TXLNB: variants seen among roughly 807,000 people sequenced by gnomAD.
TXLNB encodes the protein taxilin beta, also known as beta-taxilin.
TXLNB carries 37 observed loss-of-function variants against 57.4 expected under a neutral mutation model. That is an observed-to-expected ratio of 0.64 (90% CI 0.50 to 0.85). TXLNB has a LOEUF of 0.85. Among genes scored for constraint, TXLNB ranks in the 40% least tolerant of loss-of-function variants. The pLI is 0.00. For synonymous variants in TXLNB, 302 were observed against 309.6 expected (o/e 0.98, Z 0.26); for missense variants, 848 against 825.6 (o/e 1.03, Z -0.33).
Position 139,242,291 on chromosome 6 carries a change from C to T in TXLNB, c.*235G>A. On this transcript the variant is annotated 3_prime_UTR_variant, in exon 10 of 10. Transcript: ENST00000358430. ...ATTTGCTATCTGTATGTTTTGTTGC[C>T]CTTTGGGAAAATTATACTGTCAACC... 2 of 374,050 alleles carry T rather than the reference C, an allele frequency of 5.3e-6. No individual in the cohort carries two copies. Among genetic ancestry groups the T allele is most frequent in the Non-Finnish European group, 9.4e-6 (2 of 212,462 alleles). The allele number at this position is 374,050 out of a possible 1,614,324, so 23.2% of individuals were successfully genotyped here.
chr6:139,268,498 A>C (rs963593878), intron 4 of TXLNB, among the ~76,000 whole-genome samples: 1 of 152,236 alleles, frequency 6.6e-6, no homozygotes, highest in Admixed American at 6.5e-5. Context: ...ATAAAAATTA[A>C]ATAACACTTC....
Position 139,288,620 on chromosome 6 carries a change from A to C in TXLNB, c.280T>G (p.Ser94Ala). 3 of 1,614,124 alleles carry C rather than the reference A, an allele frequency of 1.9e-6. No homozygotes were observed. The highest frequency in any genetic ancestry group is 2.5e-6 in the Non-Finnish European group (3 of 1,180,028). Residue 94 changes from serine to alanine, a missense_variant, in exon 2 of 10, where the codon TCA (serine) becomes GCA (alanine). Coordinates refer to ENST00000358430, the MANE Select transcript of TXLNB (RefSeq NM_153235.4). Reference protein sequence around the residue: ...RASEQPENAESPDNEDGDCEE... With the variant: ...RASEQPENAEAPDNEDGDCEE... ...CAGTCCCCATCCTCGTTGTCAGGTG[A>C]TTCTGCATTCTCAGGCTGCTCACTG...
rs1364696314 is a variant in TXLNB at position 139,280,518 on chromosome 6, G to A, written c.425-3597C>T. ...AAATTAGCTGGGCGTGGTGGCGCAC[G>A]CCTGTAGTCCCAGCTACTTGGGAAA... On this transcript the variant is annotated intron_variant, in intron 2 of 9. Coordinates refer to ENST00000358430, the MANE Select transcript of TXLNB (RefSeq NM_153235.4). Among the ~76,000 whole-genome samples the A allele has an allele frequency of 1.3e-5, 2 of 149,244 alleles. 1 individual carries two copies. Among genetic ancestry groups the A allele is most frequent in the South Asian group, 4.3e-4 (2 of 4,660 alleles).
At chr6:139,234,835 C>A in the TXLNB span, among the ~76,000 whole-genome samples, 1 of 152,214 alleles carries the variant, frequency 6.6e-6, no homozygotes, top group Non-Finnish European at 1.5e-5. Flanking sequence ...GATCCACCAA[C>A]AGCCTGCACC....
the TXLNB span, chr6:139,178,907 T>C: frequency 6.6e-6 from 1 of 152,228 alleles, no homozygotes; most frequent in Non-Finnish European, 1.5e-5. Context: ...TTTGATGTTT[T>C]GTTTGAAACA....
At chr6:139,217,491 C>T in the TXLNB span, among the ~76,000 whole-genome samples, 4 of 152,104 alleles carry the variant, frequency 2.6e-5, no homozygotes, top group African/African-American at 9.7e-5. Flanking sequence ...AAACTAAAAT[C>T]ATAGTAAAAT....
Position 139,270,569 on chromosome 6 carries a change from G to C in TXLNB, c.574C>G (p.Gln192Glu). The change falls in exon 4 of 10, where the codon CAA becomes GAA. Residue 192 changes from glutamine to glutamate, a missense_variant. Gln to Glu is a conservative substitution (Grantham distance 29, BLOSUM62 2). Coordinates refer to ENST00000358430, the MANE Select transcript of TXLNB (RefSeq NM_153235.4). The part of the protein sequence containing the change: ...KLKLLQKKQV[Q>E]IQKEKDQLQG... ...AACTGGTCCTTTTCTTTTTGAATTT[G>C]TACCTGTTTCTTTTGGAGGAGCTTT... The C allele has an allele frequency of 6.2e-7, 1 of 1,614,020 alleles. No individual in the cohort carries two copies. Among genetic ancestry groups the C allele is most frequent in the Non-Finnish European group, 8.5e-7 (1 of 1,179,950 alleles).
At chr6:139,192,410 C>A in the TXLNB span, among the ~76,000 whole-genome samples, 6 of 152,324 alleles carry the variant, frequency 3.9e-5, no homozygotes, top group East Asian at 1.2e-3. Flanking sequence ...TAACAATTAT[C>A]ACCTTCTGTC....
At chr6:139,307,207 G>A in the TXLNB span, among the ~76,000 whole-genome samples, 1 of 152,088 alleles carries the variant, frequency 6.6e-6, no homozygotes, top group African/African-American at 2.4e-5. Context: ...TTGTTTGTTT[G>A]TTTTGTTTTT....
the TXLNB span, among the ~76,000 whole-genome samples, chr6:139,307,829 TC>T: frequency 2.0e-5 from 3 of 152,224 alleles, no homozygotes; most frequent in Non-Finnish European, 4.4e-5. Context: ...TATCATTTTA[TC>T]TGTATAAATA....
downstream of TXLNB, among the ~76,000 whole-genome samples, chr6:139,235,681 G>A (rs1223874957): frequency 6.6e-6 from 1 of 152,014 alleles, no homozygotes; most frequent in African/African-American, 2.4e-5. Flanking sequence ...CAGGGTCCCT[G>A]GTGAGGGCTG....
the TXLNB span, among the ~76,000 whole-genome samples, chr6:139,299,379 A>T: frequency 6.6e-6 from 1 of 152,224 alleles, no homozygotes; most frequent in South Asian, 2.1e-4. Flanking sequence ...AACTCTGGCC[A>T]CAAGATACCC....
At chr6:139,253,500 T>G (rs924499308) in intron 7 of TXLNB, among the ~76,000 whole-genome samples, 1 of 152,118 alleles carries the variant, frequency 6.6e-6, no homozygotes, top group Admixed American at 6.5e-5. Flanking sequence ...ATTTTCATTT[T>G]GCAGACAAGG....
chr6:139,249,019 C>G (rs1176280849), intron 7 of TXLNB, among the ~76,000 whole-genome samples: 2 of 152,240 alleles, frequency 1.3e-5, no homozygotes, highest in African/African-American at 4.8e-5. Context: ...CAGTTTTCCA[C>G]AGATGGAAGT....
At chr6:139,238,223 G>A (rs914003024), downstream of TXLNB, among the ~76,000 whole-genome samples, 2 of 151,900 alleles carry the variant, frequency 1.3e-5, no homozygotes, top group South Asian at 2.1e-4. Flanking sequence ...GTGAAACCCC[G>A]TCTCTACTAA....
At chr6:139,235,063 C>A (rs1775820648), downstream of TXLNB, among the ~76,000 whole-genome samples, 1 of 152,300 alleles carries the variant, frequency 6.6e-6, no homozygotes, top group South Asian at 2.1e-4. Flanking sequence ...TTACATGGAA[C>A]CTGTAGCCCC....
At chr6:139,309,783 TA>T in the TXLNB span, among the ~76,000 whole-genome samples, 1 of 151,844 alleles carries the variant, frequency 6.6e-6, no homozygotes, top group South Asian at 2.1e-4. Flanking sequence ...ATTAATTAAT[TA>T]AAAAATATAA....
intron 2 of TXLNB, among the ~76,000 whole-genome samples, chr6:139,280,251 T>TAACA (rs1777009960): frequency 1.3e-5 from 1 of 78,216 alleles, no homozygotes; most frequent in Non-Finnish European, 2.6e-5. Context: ...ACTCTCTCTC[T>TAACA]AAAAAAAAAA....
chr6:139,272,757 G>C (rs932197675), intron 3 of TXLNB, among the ~76,000 whole-genome samples: 4 of 152,216 alleles, frequency 2.6e-5, no homozygotes, highest in African/African-American at 9.7e-5. Flanking sequence ...TTGTAGGCCA[G>C]GCACGGTGGC....
Sources: gnomAD v4.1 joint callset for allele counts (sites outside exome capture counted in the v4.1 genomes callset) on GRCh38, gnomAD v4.1.1 for gene constraint, MANE v1.5 for transcripts, NCBI Gene and HGNC (gene_info 2026-07-23, HGNC 2026-07-21) for gene names.